The following SLC6A11 variants were observed in gnomAD, a reference collection of about 807,000 sequenced individuals.
The protein encoded by SLC6A11 is solute carrier family 6 member 11, also known as sodium- and chloride-dependent GABA transporter 3.
Under a neutral mutation model 74.8 loss-of-function variants are expected in SLC6A11, and 25 were observed. The ratio of observed to expected loss-of-function variants is 0.33; its 90% CI spans 0.24 to 0.47. The LOEUF is 0.47. SLC6A11 is among the 20% of genes least tolerant of loss of function. The pLI is 1.00. For missense variants in SLC6A11, 574 were observed against 837.0 expected, an observed-to-expected ratio of 0.69 and a Z score of 3.88; for synonymous variants, 330 against 330.2, an observed-to-expected ratio of 1.00 and a Z score of 0.01.
chr3:10,833,927 G>T (rs55920165), intron 4 of SLC6A11, among the ~76,000 whole-genome samples: 5,733 of 152,292 alleles, frequency 0.038, 356 homozygotes, highest in African/African-American at 0.13. Context: ...AACTGCAAGA[G>T]TTTTGTCTGA....
intron 13 of SLC6A11, 23 bp downstream of exon 13, chr3:10,935,222 G>A (rs1180068188): frequency 1.4e-5 from 23 of 1,611,736 alleles, no homozygotes; most frequent in Non-Finnish European, 2.0e-5. Flanking sequence ...CAGGAGGGCT[G>A]GTGCGTTTGG....
chr3:10,880,373 C>G (rs1482788265), intron 6 of SLC6A11, among the ~76,000 whole-genome samples: 1 of 152,188 alleles, frequency 6.6e-6, no homozygotes, highest in East Asian at 1.9e-4. Flanking sequence ...AGATAGTGTC[C>G]CTAGGCCTGG....
At chr3:10,855,993 G>A (rs904780478) in intron 5 of SLC6A11, among the ~76,000 whole-genome samples, 2 of 152,184 alleles carry the variant, frequency 1.3e-5, no homozygotes, top group African/African-American at 4.8e-5. Context: ...CATGGGATGT[G>A]CTATGAGTGG....
At chr3:10,887,932 C>A (rs547470042) in intron 6 of SLC6A11, among the ~76,000 whole-genome samples, 1 of 152,320 alleles carries the variant, frequency 6.6e-6, no homozygotes, top group East Asian at 1.9e-4. Flanking sequence ...GAAGCCTCTT[C>A]ATTAAGAACC....
At chr3:10,817,842 G>A (rs1287494465) in intron 1 of SLC6A11, among the ~76,000 whole-genome samples, 1 of 152,178 alleles carries the variant, frequency 6.6e-6, no homozygotes, top group African/African-American at 2.4e-5. Flanking sequence ...TGGACTTGGA[G>A]ACCCCCAACG....
intron 6 of SLC6A11, among the ~76,000 whole-genome samples, chr3:10,878,190 C>A (rs976774311): frequency 6.6e-6 from 1 of 152,152 alleles, no homozygotes; most frequent in African/African-American, 2.4e-5. Flanking sequence ...GGTGGGGTCC[C>A]TACTGTCCTC....
chr3:10,834,799 T>C (rs1158152793), intron 4 of SLC6A11, among the ~76,000 whole-genome samples: 2 of 151,970 alleles, frequency 1.3e-5, no homozygotes, highest in Non-Finnish European at 2.9e-5. Flanking sequence ...GTAGAATGGG[T>C]GTAAATAGAC....
intron 8 of SLC6A11, among the ~76,000 whole-genome samples, chr3:10,925,056 C>T (rs1259705342): frequency 2.0e-5 from 3 of 152,130 alleles, no homozygotes; most frequent in Non-Finnish European, 2.9e-5. Flanking sequence ...AGAGGAGGAA[C>T]GGAGGCGAAG....
At chr3:10,873,307 C>A (rs1694848514) in intron 5 of SLC6A11, among the ~76,000 whole-genome samples, 1 of 150,302 alleles carries the variant, frequency 6.7e-6, no homozygotes, top group South Asian at 2.1e-4. Context: ...TGGTTCCAGG[C>A]AGGCACTGAG....
At chr3:10,913,895 G>T (rs955480524) in intron 7 of SLC6A11, among the ~76,000 whole-genome samples, 1 of 151,986 alleles carries the variant, frequency 6.6e-6, no homozygotes, top group Non-Finnish European at 1.5e-5. Context: ...GGGTTTCACC[G>T]TGTTAGCCAG....
chr3:10,846,036 G>A lies in SLC6A11; in HGVS notation c.756+1690G>A, dbSNP rs1694498377. Among the ~76,000 whole-genome samples, 5 of 152,292 alleles carry A rather than the reference G, an allele frequency of 3.3e-5. No individual in the cohort carries two copies. In the South Asian group the frequency reaches 1.0e-3, roughly 32 times the overall value. ...CCTCACTTTCCTCTTCTGTAAGACA[G>A]GATTGATAAGTGAGCTTACCACCAC... On this transcript the variant is annotated intron_variant, in intron 5 of 13. Coordinates refer to ENST00000254488, the MANE Select transcript of SLC6A11 (RefSeq NM_014229.3).
chr3:10,843,950 A>G (rs1383913256), intron 4 of SLC6A11, among the ~76,000 whole-genome samples: 1 of 152,208 alleles, frequency 6.6e-6, no homozygotes, highest in Non-Finnish European at 1.5e-5. Context: ...TGCATCCTCC[A>G]TCGGAGCCCT....
At chr3:10,927,743 G>T (rs1379564263) in intron 9 of SLC6A11, among the ~76,000 whole-genome samples, 1 of 152,228 alleles carries the variant, frequency 6.6e-6, no homozygotes, top group East Asian at 1.9e-4. Flanking sequence ...CCAGCTGTGT[G>T]CCTTGGGCTA....
At chr3:10,878,995 C>T (rs1694944150) in intron 6 of SLC6A11, among the ~76,000 whole-genome samples, 1 of 152,190 alleles carries the variant, frequency 6.6e-6, no homozygotes, top group African/African-American at 2.4e-5. Context: ...GCTGAGAAGG[C>T]AGCTTGGGAG....
At chr3:10,907,716 T>C in intron 6 of SLC6A11, among the ~76,000 whole-genome samples, 1 of 152,182 alleles carries the variant, frequency 6.6e-6, no homozygotes, top group Non-Finnish European at 1.5e-5. Flanking sequence ...AACTAAGCAA[T>C]ATATTCCAGA....
intron 5 of SLC6A11, among the ~76,000 whole-genome samples, chr3:10,860,307 C>T (rs187082126): frequency 6.6e-5 from 10 of 152,314 alleles, no homozygotes; most frequent in East Asian, 3.9e-4. Flanking sequence ...CCTTCCATTC[C>T]GGCAGTGGAA....
chr3:10,860,800 T>G (rs573448615), intron 5 of SLC6A11, among the ~76,000 whole-genome samples: 1 of 152,222 alleles, frequency 6.6e-6, no homozygotes, highest in African/African-American at 2.4e-5. Context: ...ATGACACCAT[T>G]ATCTAAAAGG....
At chr3:10,885,525 G>C (rs1201228580) in intron 6 of SLC6A11, among the ~76,000 whole-genome samples, 2 of 150,946 alleles carry the variant, frequency 1.3e-5, no homozygotes, top group African/African-American at 2.4e-5. Flanking sequence ...ATTAGGGGAT[G>C]TTACCAGCAT....
chr3:10,848,258 T>C (rs1694529578), intron 5 of SLC6A11, among the ~76,000 whole-genome samples: 1 of 152,208 alleles, frequency 6.6e-6, no homozygotes, highest in Admixed American at 6.5e-5. Flanking sequence ...ACTATGGCGA[T>C]TTTCTAAGTG....
Sources: gnomAD v4.1 joint callset for allele counts (sites outside exome capture counted in the v4.1 genomes callset) on GRCh38, gnomAD v4.1.1 for gene constraint, MANE v1.5 for transcripts, NCBI Gene and HGNC (gene_info 2026-07-23, HGNC 2026-07-21) for gene names.